TUBGCP3: variants seen among roughly 807,000 people sequenced by gnomAD.
The protein encoded by TUBGCP3 is gamma-tubulin complex component 3.
A neutral mutation model predicts 123.1 loss-of-function variants in TUBGCP3; 50 were observed. The ratio of observed to expected loss-of-function variants is 0.41; its 90% CI spans 0.32 to 0.51. TUBGCP3 has a LOEUF of 0.51. TUBGCP3 is among the 20% of genes least tolerant of loss of function. TUBGCP3 has a pLI of 0.36. For missense variants in TUBGCP3, 882 were observed against 1,127.0 expected, an observed-to-expected ratio of 0.78 and a Z score of 3.11; for synonymous variants, 405 against 413.9, an observed-to-expected ratio of 0.98 and a Z score of 0.26.
rs772897259 is a variant in TUBGCP3, at chr13:112,519,045, TAAC to T, written c.1882-5_1882-3del. 9 of 1,613,006 alleles carry T rather than the reference TAAC, an allele frequency of 5.6e-6. No individual in the cohort carries two copies. In the South Asian group the frequency reaches 8.8e-5, roughly 16 times the overall value. On this transcript the variant is annotated splice_region_variant and splice_polypyrimidine_tract_variant and intron_variant, in intron 15 of 21. Transcript: ENST00000261965. The surrounding 1 kb of genome is among the most constrained non-coding windows in gnomAD (Gnocchi z 6.2). ...CCATCCAGTGTCACCTGGAGAGACC[TAAC>T]AACAGAAACAAACACATAATTGCAA...
intron 13 of TUBGCP3, among the ~76,000 whole-genome samples, chr13:112,523,093 C>A (rs1165845906): frequency 2.0e-5 from 3 of 152,208 alleles, no homozygotes; most frequent in Admixed American, 1.3e-4. Context: ...CAGGTGGAGA[C>A]TATACACATA....
intron 14 of TUBGCP3, among the ~76,000 whole-genome samples, chr13:112,520,735 G>C (rs1469568833): frequency 6.6e-6 from 1 of 152,040 alleles, no homozygotes; most frequent in Non-Finnish European, 1.5e-5. Context: ...GATTCTAAAG[G>C]GCCAAGAAAC....
chr13:112,579,567 G>A (rs1272439521), intron 1 of TUBGCP3, among the ~76,000 whole-genome samples: 3 of 150,734 alleles, frequency 2.0e-5, no homozygotes, highest in African/African-American at 4.9e-5. Context: ...GGGGGGCCAC[G>A]GCATCCCTGG....
chr13:112,603,859 G>C, the TUBGCP3 span: 1 of 152,330 alleles, frequency 6.6e-6, no homozygotes, highest in Non-Finnish European at 1.5e-5. Flanking sequence ...AGGGAGAAGA[G>C]GGCAGAGGGA....
intron 1 of TUBGCP3, among the ~76,000 whole-genome samples, chr13:112,582,299 G>A (rs531666717): frequency 4.6e-5 from 7 of 152,174 alleles, no homozygotes; most frequent in Non-Finnish European, 1.0e-4. Flanking sequence ...GGCCAAACAC[G>A]TCAGGCCCTA....
intron 1 of TUBGCP3, among the ~76,000 whole-genome samples, chr13:112,585,768 A>C (rs1468448860): frequency 6.6e-6 from 1 of 151,804 alleles, no homozygotes; most frequent in East Asian, 1.9e-4. Context: ...ACTCCATCTC[A>C]AATAAATAAA....
At chr13:112,535,500 T>C (rs1456398084) in intron 11 of TUBGCP3, among the ~76,000 whole-genome samples, 1 of 152,254 alleles carries the variant, frequency 6.6e-6, no homozygotes, top group Non-Finnish European at 1.5e-5. Context: ...CTAATGGCTG[T>C]GAAGTGGTAT....
intron 2 of TUBGCP3, 30 bp downstream of exon 2, chr13:112,569,122 C>T: frequency 6.2e-7 from 1 of 1,607,458 alleles, no homozygotes; most frequent in Admixed American, 1.7e-5. Context: ...TTTAAGAATC[C>T]AACACATGAC....
At chr13:112,594,125 T>C in the TUBGCP3 span, among the ~76,000 whole-genome samples, 2 of 152,220 alleles carry the variant, frequency 1.3e-5, no homozygotes, top group African/African-American at 4.8e-5. Flanking sequence ...ATATCAATCT[T>C]ACAGGAAATA....
At chr13:112,535,038 A>G (rs1212214226) in intron 11 of TUBGCP3, among the ~76,000 whole-genome samples, 1 of 152,190 alleles carries the variant, frequency 6.6e-6, no homozygotes, top group Non-Finnish European at 1.5e-5. Context: ...GGAATCATAC[A>G]ATATATGGCC....
intron 11 of TUBGCP3, among the ~76,000 whole-genome samples, chr13:112,541,080 C>T (rs1163491859): frequency 6.6e-6 from 1 of 152,156 alleles, no homozygotes; most frequent in Non-Finnish European, 1.5e-5. Flanking sequence ...GAAAAAAGTA[C>T]AGAAGAAAAT....
chr13:112,581,131 C>T (rs1230907875), intron 1 of TUBGCP3, among the ~76,000 whole-genome samples: 2 of 152,136 alleles, frequency 1.3e-5, no homozygotes, highest in African/African-American at 4.8e-5. Flanking sequence ...CTGGAACACA[C>T]CAAGCTCACC....
intron 19 of TUBGCP3, 118 bp from the exon 20 acceptor site, chr13:112,499,303 G>A (rs17690363): frequency 0.18 from 224,019 of 1,274,610 alleles, 20,624 homozygotes; most frequent in African/African-American, 0.21. Context: ...AATTCCCAAA[G>A]TGTTCATTAG....
At chr13:112,587,771 C>T (rs1040124869) in intron 1 of TUBGCP3, 134 bp downstream of exon 1, 4 of 746,382 alleles carry the variant, frequency 5.4e-6, no homozygotes, top group Non-Finnish European at 6.0e-6. Flanking sequence ...GGCCCCACGT[C>T]CTCGGCCCGT....
chr13:112,576,106 T>C (rs1881788219), intron 1 of TUBGCP3, among the ~76,000 whole-genome samples: 1 of 152,222 alleles, frequency 6.6e-6, no homozygotes, highest in Non-Finnish European at 1.5e-5. Flanking sequence ...ATCACTATAT[T>C]ACATCTTCAC....
intron 20 of TUBGCP3, among the ~76,000 whole-genome samples, chr13:112,490,759 T>G (rs905607629): frequency 2.6e-5 from 4 of 152,240 alleles, no homozygotes; most frequent in African/African-American, 9.6e-5. Flanking sequence ...GTGATTCTTC[T>G]TACACAATTT....
intron 1 of TUBGCP3, among the ~76,000 whole-genome samples, chr13:112,580,372 A>G (rs2139322396): frequency 6.6e-6 from 1 of 152,288 alleles, no homozygotes; most frequent in South Asian, 2.1e-4. Flanking sequence ...GTGGTGGCTC[A>G]CACCTGTAAT....
intron 2 of TUBGCP3, among the ~76,000 whole-genome samples, chr13:112,566,725 A>T (rs191242307): frequency 6.6e-6 from 1 of 152,384 alleles, no homozygotes; most frequent in Non-Finnish European, 1.5e-5. Flanking sequence ...CACTACAGTC[A>T]CAGCACAATA....
chr13:112,556,968 G>C (rs1018989332), intron 5 of TUBGCP3, among the ~76,000 whole-genome samples: 3 of 152,180 alleles, frequency 2.0e-5, no homozygotes, highest in African/African-American at 4.8e-5. Context: ...CCAGGTGCCA[G>C]AGCTTGGATT....
Sources: allele counts gnomAD v4.1 joint callset (sites outside exome capture counted in the v4.1 genomes callset), GRCh38; gene constraint gnomAD v4.1.1; non-coding constraint Gnocchi (gnomAD v3.1); transcripts MANE v1.5; gene names NCBI Gene and HGNC (gene_info 2026-07-23, HGNC 2026-07-21).